Variants in AK4 observed in about 807,000 individuals in gnomAD.
AK4 encodes adenylate kinase 4.
AK4 carries 13 observed loss-of-function variants against 24.6 expected under a neutral mutation model. The ratio of observed to expected loss-of-function variants is 0.53; its 90% CI spans 0.34 to 0.84. The LOEUF (loss-of-function observed/expected upper bound fraction) is 0.84, where lower values mean the gene tolerates loss of function less well. AK4 is among the 40% of genes least tolerant of loss of function. AK4 has a pLI of 0.01. For synonymous variants in AK4, 88 were observed against 107.0 expected (o/e 0.82, Z 1.10); for missense variants, 192 against 288.2 (o/e 0.67, Z 2.42).
intron 1 of AK4, chr1:65,149,055 C>G (rs1649675098): frequency 6.6e-6 from 1 of 152,430 alleles, no homozygotes. Flanking sequence ...CCTCGCGCCT[C>G]TCCAGCCCCT....
At chr1:65,174,342 T>C (rs1000238625) in intron 1 of AK4, among the ~76,000 whole-genome samples, 2 of 152,124 alleles carry the variant, frequency 1.3e-5, no homozygotes, top group Non-Finnish European at 2.9e-5. Flanking sequence ...TCTCTAAGAA[T>C]ACAAGGAACT....
At chr1:65,202,466 A>G (rs980481416) in intron 2 of AK4, among the ~76,000 whole-genome samples, 3 of 152,180 alleles carry the variant, frequency 2.0e-5, no homozygotes, top group Non-Finnish European at 4.4e-5. Flanking sequence ...TACATTTGAC[A>G]TTAAACTGTG....
intron 3 of AK4, among the ~76,000 whole-genome samples, chr1:65,220,447 C>T (rs541742338): frequency 6.6e-6 from 1 of 152,250 alleles, no homozygotes; most frequent in African/African-American, 2.4e-5. Flanking sequence ...AGTTTTTTGA[C>T]ATGGAGAAAT....
chr1:65,196,594 A>G (rs1456255843), intron 2 of AK4, among the ~76,000 whole-genome samples: 2 of 152,034 alleles, frequency 1.3e-5, no homozygotes, highest in Non-Finnish European at 2.9e-5. Context: ...CCTCCTGAGT[A>G]GCTGGGATTA....
At chr1:65,194,029 A>C (rs1170851668) in intron 2 of AK4, among the ~76,000 whole-genome samples, 1 of 152,230 alleles carries the variant, frequency 6.6e-6, no homozygotes, top group African/African-American at 2.4e-5. Context: ...AGGTTGAGGC[A>C]GCAGTGAGGC....
rs1279083957 is a variant in AK4, at chr1:65,231,149, A to C, written c.*4972A>C. 6.6e-6 allele frequency: 1 copy of C among 152,212 alleles called. No individual in the cohort carries two copies. The highest frequency in any genetic ancestry group is 2.4e-5 in the African/African-American group (1 of 41,454). The allele number at this position is 152,212 out of a possible 1,614,324, so 9.4% of individuals were successfully genotyped here. On this transcript the variant is annotated 3_prime_UTR_variant, in exon 5 of 5. Coordinates refer to ENST00000327299, the MANE Select transcript of AK4 (RefSeq NM_013410.4). ...GACCCAATCTGGTTTCCAAATGAGA[A>C]GTGTGCAGGCCCCAGAGGTTGAGAA... is the stretch of plus-strand genomic sequence containing the variant.
At position 65,230,277 on chromosome 1, in the gene AK4, CTG is replaced by C. The variant is rs1652601618; in HGVS notation, c.*4103_*4104del. 1 of 152,182 alleles carries C rather than the reference CTG, an allele frequency of 6.6e-6. No homozygotes were observed. Among genetic ancestry groups the C allele is most frequent in the Non-Finnish European group, 1.5e-5 (1 of 68,050 alleles). 9.4% of individuals were successfully genotyped at this position (152,182 alleles called of 1,614,324 possible). On this transcript the variant is annotated 3_prime_UTR_variant, in exon 5 of 5. Coordinates refer to ENST00000327299, the MANE Select transcript of AK4 (RefSeq NM_013410.4). ...GAAGGATTCTTGGAGCGAGGAGCCA[CTG>C]TGGTTTTTCCTGCTATTTAAGATGT...
In AK4 at chr1:65,193,983, T is replaced by G. The variant is rs184463482; in HGVS notation, c.265+3154T>G. On this transcript the variant is annotated intron_variant, in intron 2 of 4. Transcript: ENST00000327299. ...GGCATGTGCCTATAATCCCAGCTACTTGGGAGCTGAGGTGAGAGGATCACT... is the reference window on the plus strand; with the variant it reads ...GGCATGTGCCTATAATCCCAGCTACGTGGGAGCTGAGGTGAGAGGATCACT... Among the ~76,000 whole-genome samples the G allele has an allele frequency of 3.1e-4, 47 of 152,288 alleles. 1 individual carries two copies. In the South Asian group the frequency reaches 9.7e-3, roughly 32 times the overall value.
intron 2 of AK4, among the ~76,000 whole-genome samples, chr1:65,218,021 A>T (rs1480162108): frequency 6.6e-6 from 1 of 152,178 alleles, no homozygotes; most frequent in African/African-American, 2.4e-5. Flanking sequence ...ATGATTTCTT[A>T]TGTGTGTGGC....
intron 2 of AK4, among the ~76,000 whole-genome samples, chr1:65,208,222 A>T (rs1432250814): frequency 6.6e-6 from 1 of 152,156 alleles, no homozygotes; most frequent in Non-Finnish European, 1.5e-5. Flanking sequence ...TCGTAGTAGG[A>T]CAGCTGCTGC....
intron 2 of AK4, among the ~76,000 whole-genome samples, chr1:65,197,904 A>G (rs1651533003): frequency 6.6e-6 from 1 of 152,200 alleles, no homozygotes; most frequent in African/African-American, 2.4e-5. Context: ...TCTGAATCAC[A>G]TCTTTTAGGA....
rs1652447012 is a variant in AK4 at position 65,226,071 on chromosome 1, G to A, written c.566G>A (p.Gly189Glu). The A allele has an allele frequency of 1.2e-6, 2 of 1,611,920 alleles. No homozygotes were observed. The highest frequency in any genetic ancestry group is 1.7e-6 in the Non-Finnish European group (2 of 1,179,800). The change falls in exon 5 of 5, where the codon GGA becomes GAA. Residue 189 changes from glycine (G) to glutamate (E), a missense_variant. Gly to Glu is a moderately conservative substitution (Grantham distance 98, BLOSUM62 -2). Transcript: ENST00000327299. ...KPVIELYKSR[G>E]VLHQFSGTET... ...TGGGCTTTGTTTTTCAGGAGCCGAG[G>A]AGTGCTCCACCAATTTTCCGGAACG...
chr1:65,216,128 T>A (rs954848651), intron 2 of AK4, among the ~76,000 whole-genome samples: 1 of 151,342 alleles, frequency 6.6e-6, no homozygotes, highest in Non-Finnish European at 1.5e-5. Flanking sequence ...GTTTCACTAA[T>A]GTGATTGCAG....
intron 1 of AK4, among the ~76,000 whole-genome samples, chr1:65,187,617 A>T (rs1330526294): frequency 1.3e-5 from 2 of 152,218 alleles, no homozygotes; most frequent in East Asian, 1.9e-4. Flanking sequence ...TCATAAAAAA[A>T]TGCTGGGATT....
intron 2 of AK4, among the ~76,000 whole-genome samples, chr1:65,218,218 C>T (rs912318286): frequency 1.3e-5 from 2 of 152,116 alleles, no homozygotes; most frequent in African/African-American, 4.8e-5. Context: ...TTTTGCTAAC[C>T]TAAGAACCTA....
chr1:65,210,712 A>T (rs1000296520), intron 2 of AK4, among the ~76,000 whole-genome samples: 1 of 151,980 alleles, frequency 6.6e-6, no homozygotes, highest in Non-Finnish European at 1.5e-5. Context: ...TTTCTTCTCA[A>T]ACCTGCTGTT....
chr1:65,168,445 C>T (rs1426305129), intron 1 of AK4, among the ~76,000 whole-genome samples: 1 of 151,860 alleles, frequency 6.6e-6, no homozygotes, highest in Non-Finnish European at 1.5e-5. Context: ...TGTGCCTGGC[C>T]CTGCATATTC....
At chr1:65,157,883 G>C (rs1650030812) in intron 1 of AK4, among the ~76,000 whole-genome samples, 1 of 152,092 alleles carries the variant, frequency 6.6e-6, no homozygotes, top group African/African-American at 2.4e-5. Flanking sequence ...ATTTGGGAAG[G>C]CTTTTTAGAG....
chr1:65,213,043 T>C (rs554198207), intron 2 of AK4, among the ~76,000 whole-genome samples: 3 of 152,258 alleles, frequency 2.0e-5, no homozygotes, highest in Non-Finnish European at 4.4e-5. Context: ...TGAATGCTTC[T>C]AGAAAAGGGC....
Sources: gnomAD v4.1 joint callset for allele counts (sites outside exome capture counted in the v4.1 genomes callset) on GRCh38, gnomAD v4.1.1 for gene constraint, MANE v1.5 for transcripts, NCBI Gene and HGNC (gene_info 2026-07-23, HGNC 2026-07-21) for gene names.